SYT16: variants seen among roughly 807,000 people sequenced by gnomAD.
SYT16 encodes the protein synaptotagmin-16.
In SYT16, 42 loss-of-function variants were observed where a neutral mutation model predicts 61.4. The ratio of observed to expected loss-of-function variants is 0.68; its 90% confidence interval spans 0.53 to 0.89. SYT16 has a LOEUF of 0.89. SYT16 is among the 40% of genes least tolerant of loss of function. SYT16 has a pLI of 0.00. For missense variants in SYT16, 804 were observed against 807.3 expected (o/e 1.00, Z 0.05); for synonymous variants, 314 against 302.3 (o/e 1.04, Z -0.40).
At chr14:61,946,900 C>CTT (rs2050460817) in intron 1 of SYT16, among the ~76,000 whole-genome samples, 1 of 152,054 alleles carries the variant, frequency 6.6e-6, no homozygotes, top group Admixed American at 6.6e-5. Context: ...TGCTGGCTTT[C>CTT]TTTGTGAGGA....
At chr14:61,952,850 G>T (rs57549392) in intron 1 of SYT16, among the ~76,000 whole-genome samples, 1 of 152,034 alleles carries the variant, frequency 6.6e-6, no homozygotes, top group African/African-American at 2.4e-5. Flanking sequence ...ATCTTTGTTA[G>T]TTATTAACTA....
chr14:61,841,398 C>T (rs1170042371), intron 1 of SYT16, among the ~76,000 whole-genome samples: 3 of 152,192 alleles, frequency 2.0e-5, no homozygotes. Context: ...TATCCTGTGT[C>T]ACTGCTTTCA....
At chr14:62,023,137 G>A (rs1305487491) in intron 3 of SYT16, among the ~76,000 whole-genome samples, 1 of 152,116 alleles carries the variant, frequency 6.6e-6, no homozygotes, top group Non-Finnish European at 1.5e-5. Context: ...AAATTGTTGA[G>A]GCTGTCCATG....
chr14:61,994,519 T>C (rs970940937), intron 2 of SYT16, among the ~76,000 whole-genome samples: 14 of 152,150 alleles, frequency 9.2e-5, no homozygotes, highest in African/African-American at 3.1e-4. Context: ...GAGATGTATA[T>C]TTTGGAGTTT....
rs559386632 is a variant in SYT16 at position 61,973,707 on chromosome 14, G to A, written c.-145+3396G>A. Among the ~76,000 whole-genome samples, 27 of 152,208 alleles carry A rather than the reference G, an allele frequency of 1.8e-4. No homozygotes were observed. The South Asian group carries it at 5.6e-3, about 32-fold the overall frequency. The stretch of plus-strand genomic sequence containing the variant: ...TTCCAAAAGCAAAATTTAGGAGTTG[G>A]CGCAAAGAGTTTCATTTTAAGAGGC... On this transcript the variant is annotated intron_variant, in intron 2 of 7. Coordinates refer to ENST00000683842, the MANE Select transcript of SYT16 (RefSeq NM_001367656.1).
chr14:61,939,484 T>C (rs1426616970), intron 1 of SYT16, among the ~76,000 whole-genome samples: 1 of 152,208 alleles, frequency 6.6e-6, no homozygotes, highest in Non-Finnish European at 1.5e-5. Flanking sequence ...GATCAAGGTG[T>C]CCGCATGATT....
intron 3 of SYT16, among the ~76,000 whole-genome samples, chr14:62,003,310 G>A (rs11627022): frequency 0.036 from 5,508 of 152,098 alleles, 106 homozygotes; most frequent in Admixed American, 0.043. Flanking sequence ...TGCCTGGTGA[G>A]CTCTGTGAAG....
rs534278838 is a variant in SYT16 at position 61,969,924 on chromosome 14, A to G, written c.-324-208A>G. On this transcript the variant is annotated intron_variant, in intron 1 of 7. Transcript: ENST00000683842. ...GAGGTCTCTCATCTGAGGAGCCAGCATCACAGGATGTACTGGCCAACAGTC... is the reference window on the plus strand; with the variant it reads ...GAGGTCTCTCATCTGAGGAGCCAGCGTCACAGGATGTACTGGCCAACAGTC... Among the ~76,000 whole-genome samples, 34 of 152,348 alleles carry G rather than the reference A, an allele frequency of 2.2e-4. No homozygotes were observed. The South Asian group carries it at 6.4e-3, about 29-fold the overall frequency.
chr14:61,870,174 C>G (rs2140302431), intron 1 of SYT16, among the ~76,000 whole-genome samples: 1 of 152,140 alleles, frequency 6.6e-6, no homozygotes, highest in Middle Eastern at 3.4e-3. Flanking sequence ...ATGATATATT[C>G]TTTTAGATTT....
At chr14:61,874,147 T>G (rs1448195003) in intron 1 of SYT16, among the ~76,000 whole-genome samples, 1 of 152,208 alleles carries the variant, frequency 6.6e-6, no homozygotes, top group East Asian at 1.9e-4. Flanking sequence ...GAACTCTAGT[T>G]GCATAGAATT....
At chr14:61,989,493 G>A (rs2052458646) in intron 2 of SYT16, among the ~76,000 whole-genome samples, 1 of 152,196 alleles carries the variant, frequency 6.6e-6, no homozygotes, top group Non-Finnish European at 1.5e-5. Context: ...AACCTGGAAG[G>A]TGGTTGTTGC....
chr14:61,917,309 G>C (rs149649084), intron 1 of SYT16, among the ~76,000 whole-genome samples: 1 of 152,192 alleles, frequency 6.6e-6, no homozygotes, highest in African/African-American at 2.4e-5. Context: ...GCCATACTTA[G>C]TACACAGCAT....
At chr14:61,899,938 A>C (rs2048453622) in intron 1 of SYT16, among the ~76,000 whole-genome samples, 1 of 152,112 alleles carries the variant, frequency 6.6e-6, no homozygotes, top group African/African-American at 2.4e-5. Flanking sequence ...AAAATGGAAG[A>C]AGGGATTGAT....
chr14:61,819,380 T>C (rs1294354098), intron 1 of SYT16, among the ~76,000 whole-genome samples: 1 of 152,216 alleles, frequency 6.6e-6, no homozygotes, highest in East Asian at 1.9e-4. Flanking sequence ...CTGAAGTGCA[T>C]ATTACAAAAA....
intron 2 of SYT16, among the ~76,000 whole-genome samples, chr14:61,988,707 A>G (rs1010656943): frequency 6.6e-6 from 1 of 152,190 alleles, no homozygotes; most frequent in African/African-American, 2.4e-5. Flanking sequence ...AGTAACTGTG[A>G]CATTTTACAT....
intron 2 of SYT16, among the ~76,000 whole-genome samples, chr14:61,982,581 A>G (rs1426512346): frequency 6.6e-6 from 1 of 152,146 alleles, no homozygotes; most frequent in Non-Finnish European, 1.5e-5. Flanking sequence ...CGTGGGAATT[A>G]TGGGAGCTAC....
rs1178722612 is a variant in SYT16, at chr14:61,955,975, G to A, written c.-324-14157G>A. 2.0e-5 allele frequency among the ~76,000 whole-genome samples: 3 copies of A among 150,662 alleles called. No homozygotes were observed. The South Asian group carries it at 6.3e-4, about 32-fold the overall frequency. ...TTGCTCCTTTTTTCTTTTATTTTTC[G>A]CTTTCTCTTTCTTTCATAATGGTCA... On this transcript the variant is annotated intron_variant, in intron 1 of 7. Transcript: ENST00000683842.
intron 3 of SYT16, among the ~76,000 whole-genome samples, chr14:62,051,717 C>T (rs189278422): frequency 1.8e-4 from 28 of 152,260 alleles, no homozygotes; most frequent in African/African-American, 5.1e-4. Context: ...ATATCTCAGT[C>T]GATCTTGTTA....
intron 1 of SYT16, among the ~76,000 whole-genome samples, chr14:61,875,737 T>C (rs2047467391): frequency 6.6e-6 from 1 of 152,214 alleles, no homozygotes; most frequent in Non-Finnish European, 1.5e-5. Context: ...GTGCCATTGG[T>C]ACCAAACCAT....
Sources: allele counts gnomAD v4.1 joint callset (sites outside exome capture counted in the v4.1 genomes callset), GRCh38; gene constraint gnomAD v4.1.1; transcripts MANE v1.5; gene names NCBI Gene and HGNC (gene_info 2026-07-23, HGNC 2026-07-21).